Variants in PLD5 observed in about 807,000 individuals in gnomAD.
The protein encoded by PLD5 is inactive phospholipase D5.
PLD5 carries 36 observed loss-of-function variants against 61.1 expected under a neutral mutation model. The ratio of observed to expected loss-of-function variants is 0.59; its 90% CI spans 0.45 to 0.78. The LOEUF is 0.78. Among genes scored for constraint, PLD5 ranks in the 30% least tolerant of loss-of-function variants. PLD5 has a pLI of 0.00. For synonymous variants in PLD5, 243 were observed against 242.8 expected (o/e 1.00, Z -0.01); for missense variants, 515 against 644.4 (o/e 0.80, Z 2.17).
Position 242,290,157 on chromosome 1 carries a change from G to T in PLD5, c.327-1627C>A, listed in dbSNP as rs539574843. ...ATCTCATATGTACTGACTCAAATAGGAGGTAGACTCTAATAAATGGTGAAG... is the reference window on the plus strand; with the variant it reads ...ATCTCATATGTACTGACTCAAATAGTAGGTAGACTCTAATAAATGGTGAAG... On this transcript the variant is annotated intron_variant, in intron 2 of 9. Transcript: ENST00000536534. Among the ~76,000 whole-genome samples the T allele has an allele frequency of 1.5e-3, 229 of 148,480 alleles. 2 individuals are homozygous for T. Among genetic ancestry groups the T allele is most frequent in the African/African-American group, 5.5e-3 (220 of 40,208 alleles).
intron 3 of PLD5, among the ~76,000 whole-genome samples, chr1:242,283,881 A>C (rs1344122152): frequency 1.3e-5 from 2 of 152,052 alleles, no homozygotes; most frequent in Non-Finnish European, 2.9e-5. Flanking sequence ...ATTTAAATCA[A>C]AGTAGCTTTC....
At chr1:242,246,904 A>G (rs1166131976) in intron 4 of PLD5, among the ~76,000 whole-genome samples, 1 of 151,958 alleles carries the variant, frequency 6.6e-6, no homozygotes, top group East Asian at 1.9e-4. Flanking sequence ...GAAGGCATAC[A>G]TTGGCTCAGT....
At chr1:242,431,790 A>T (rs891040693) in intron 1 of PLD5, among the ~76,000 whole-genome samples, 1 of 152,238 alleles carries the variant, frequency 6.6e-6, no homozygotes, top group African/African-American at 2.4e-5. Context: ...AGAAAACCAG[A>T]TGTCCTAAGT....
intron 5 of PLD5, among the ~76,000 whole-genome samples, chr1:242,135,858 C>T (rs1415232337): frequency 1.3e-5 from 2 of 152,196 alleles, no homozygotes; most frequent in Admixed American, 1.3e-4. Flanking sequence ...AAAAACATAA[C>T]TTCCTCCTCC....
chr1:242,358,972 C>A (rs1660915750), intron 1 of PLD5, among the ~76,000 whole-genome samples: 1 of 152,096 alleles, frequency 6.6e-6, no homozygotes, highest in South Asian at 2.1e-4. Flanking sequence ...GGGGTAGGGT[C>A]AAAAGCTAGA....
intron 1 of PLD5, among the ~76,000 whole-genome samples, chr1:242,457,649 C>G (rs1258804878): frequency 1.3e-5 from 2 of 152,138 alleles, no homozygotes; most frequent in South Asian, 2.1e-4. Context: ...CAAGAAACAA[C>G]TAACACACCC....
At chr1:242,432,395 G>A (rs12407983) in intron 1 of PLD5, among the ~76,000 whole-genome samples, 4,099 of 152,278 alleles carry the variant, frequency 0.027, 194 homozygotes, top group East Asian at 0.13. Flanking sequence ...GGCTGCCAAC[G>A]TAGGGGACAC....
chr1:242,421,206 T>A (rs1156260084), intron 1 of PLD5, among the ~76,000 whole-genome samples: 1 of 149,486 alleles, frequency 6.7e-6, no homozygotes, highest in Non-Finnish European at 1.5e-5. Context: ...AAAAGGATGG[T>A]TTCAGTTACT....
chr1:242,331,641 G>A (rs554256458), intron 2 of PLD5, among the ~76,000 whole-genome samples: 9 of 152,218 alleles, frequency 5.9e-5, no homozygotes, highest in Admixed American at 2.6e-4. Flanking sequence ...CATAATCAAC[G>A]TTTAATATTA....
chr1:242,093,133 C>T (rs1175461556), intron 9 of PLD5, among the ~76,000 whole-genome samples: 1 of 152,166 alleles, frequency 6.6e-6, no homozygotes, highest in African/African-American at 2.4e-5. Flanking sequence ...GTGTTGGTGT[C>T]GCTGCCCAGA....
intron 4 of PLD5, among the ~76,000 whole-genome samples, chr1:242,239,088 T>C (rs11807513): frequency 0.085 from 12,953 of 152,256 alleles, 708 homozygotes; most frequent in East Asian, 0.16. Flanking sequence ...CAATCTCATC[T>C]TTCTTTGTAC....
chr1:242,335,705 T>C (rs978431749), intron 2 of PLD5, among the ~76,000 whole-genome samples: 1 of 152,146 alleles, frequency 6.6e-6, no homozygotes, highest in Admixed American at 6.5e-5. Context: ...TCTTATAGAG[T>C]AAATGTTACA....
At chr1:242,192,896 G>A (rs1305543947) in intron 5 of PLD5, among the ~76,000 whole-genome samples, 2 of 151,928 alleles carry the variant, frequency 1.3e-5, no homozygotes, top group Non-Finnish European at 2.9e-5. Flanking sequence ...AAGCCATGCT[G>A]GAAAAGCTCT....
chr1:242,429,398 T>C (rs1273024911), intron 1 of PLD5, among the ~76,000 whole-genome samples: 1 of 152,234 alleles, frequency 6.6e-6, no homozygotes, highest in Non-Finnish European at 1.5e-5. Flanking sequence ...ATAATCTTTT[T>C]AAAATTTTTT....
At chr1:242,190,997 A>T (rs1668236379) in intron 5 of PLD5, among the ~76,000 whole-genome samples, 1 of 152,188 alleles carries the variant, frequency 6.6e-6, no homozygotes, top group Non-Finnish European at 1.5e-5. Context: ...AAATACAGGG[A>T]CAACACGTTG....
At chr1:242,246,411 C>T (rs1672357831) in intron 4 of PLD5, among the ~76,000 whole-genome samples, 1 of 149,828 alleles carries the variant, frequency 6.7e-6, no homozygotes, top group Admixed American at 6.7e-5. Flanking sequence ...AGTGACAAAG[C>T]CAAGTACATA....
chr1:242,374,816 A>C (rs751187361), intron 1 of PLD5, among the ~76,000 whole-genome samples: 2 of 152,208 alleles, frequency 1.3e-5, no homozygotes, highest in African/African-American at 4.8e-5. Context: ...TGTTAAACTT[A>C]AGCCCAAAAA....
chr1:242,112,896 C>T (rs978754050), intron 7 of PLD5, among the ~76,000 whole-genome samples: 8 of 152,296 alleles, frequency 5.3e-5, no homozygotes, highest in African/African-American at 1.9e-4. Context: ...AGCATGGCCA[C>T]GCATTTATGC....
At chr1:242,109,147 G>T (rs183797784) in intron 7 of PLD5, among the ~76,000 whole-genome samples, 307 of 152,304 alleles carry the variant, frequency 2.0e-3, no homozygotes, top group Non-Finnish European at 2.8e-3. Flanking sequence ...CCACCGCAGT[G>T]ATCCATCTAA....
Sources: allele counts gnomAD v4.1 joint callset (sites outside exome capture counted in the v4.1 genomes callset), GRCh38; gene constraint gnomAD v4.1.1; transcripts MANE v1.5; gene names NCBI Gene and HGNC (gene_info 2026-07-23, HGNC 2026-07-21).